Variants in ERBB3 observed in about 807,000 individuals in gnomAD.
The protein encoded by ERBB3 is erb-b2 receptor tyrosine kinase 3, also known as receptor tyrosine-protein kinase erbB-3.
ERBB3 carries 96 observed loss-of-function variants against 156.7 expected under a neutral mutation model. That is an observed-to-expected ratio of 0.61 (90% CI 0.52 to 0.73). The LOEUF (loss-of-function observed/expected upper bound fraction) is 0.73. ERBB3 is among the 30% of genes least tolerant of loss of function. The probability of loss-of-function intolerance (pLI) is 0.00; values close to 1 mark genes in which losing one functional copy is unlikely to be tolerated. For missense variants in ERBB3, 1,406 were observed against 1,709.4 expected, an observed-to-expected ratio of 0.82 and a Z score of 3.13; for synonymous variants, 567 against 632.0, an observed-to-expected ratio of 0.90 and a Z score of 1.54.
Position 56,095,685 on chromosome 12 carries a change from C to T in ERBB3, c.1934C>T (p.Ala645Val). The T allele has an allele frequency of 6.2e-7, 1 of 1,614,170 alleles. No homozygotes were observed. Among genetic ancestry groups the T allele is most frequent in the Non-Finnish European group, 8.5e-7 (1 of 1,180,038 alleles). The change falls in exon 17 of 28, where the codon GCT becomes GTT. Residue 645 changes from alanine to valine, a missense_variant. By Grantham distance (64) the Ala-to-Val change is moderately conservative. Transcript: ENST00000267101. The stretch of plus-strand genomic sequence containing the variant: ...CATAGCAAAACCCATCTGACAATGG[C>T]TTTGACAGTGATAGCAGGATTGGTA... ...VLIGKTHLTMALTVIAGLVVI... is the reference protein window; with the variant it reads ...VLIGKTHLTMVLTVIAGLVVI...
At chr12:56,093,273 C>G in intron 11 of ERBB3, 72 bp from the exon 12 acceptor site, 1 of 1,434,118 alleles carries the variant, frequency 7.0e-7, no homozygotes, top group Non-Finnish European at 9.8e-7. Flanking sequence ...AATTTCTTGA[C>G]TAACATGAAT....
intron 9 of ERBB3, among the ~76,000 whole-genome samples, chr12:56,091,580 C>T (rs1868714212): frequency 6.6e-6 from 1 of 150,848 alleles, no homozygotes; most frequent in African/African-American, 2.4e-5. Context: ...TCAAGTGATC[C>T]TCCTGTCTCA....
At chr12:56,094,000 C>T in intron 13 of ERBB3, 99 bp from the exon 14 acceptor site, 1 of 1,569,832 alleles carries the variant, frequency 6.4e-7, no homozygotes, top group South Asian at 1.1e-5. Context: ...TCTGCATGTG[C>T]CTTGGTGGGA....
intron 9 of ERBB3, among the ~76,000 whole-genome samples, chr12:56,090,371 C>G (rs919900017): frequency 6.6e-6 from 1 of 152,096 alleles, no homozygotes; most frequent in Non-Finnish European, 1.5e-5. Flanking sequence ...GTGGCTCATG[C>G]CTATAATCCC....
intron 1 of ERBB3, 45 bp downstream of exon 1, chr12:56,080,427 G>T: frequency 6.9e-7 from 1 of 1,457,328 alleles, no homozygotes. Flanking sequence ...CTGGGAGCCG[G>T]AACCCAGTGC....
chr12:56,080,222 G>T lies in ERBB3; in HGVS notation c.-79G>T. On this transcript the variant is annotated 5_prime_UTR_variant, in exon 1 of 28. In the 5' UTR this introduces an upstream ATG that the reference lacks. Coordinates refer to ENST00000267101, the MANE Select transcript of ERBB3 (RefSeq NM_001982.4). ...CAGCCACCAATTCGCCAGCGGTTCA[G>T]GTGGCTCTTGCCTCGATGTCCTAGC... is the stretch of plus-strand genomic sequence containing the variant. 8.5e-7 allele frequency: 1 copy of T among 1,176,708 alleles called. No individual in the cohort carries two copies. The allele number at this position is 1,176,708 out of a possible 1,614,324, so 72.9% of individuals were successfully genotyped here.
chr12:56,085,427 A>T (rs968927007), intron 3 of ERBB3: 1 of 1,422,086 alleles, frequency 7.0e-7, no homozygotes, highest in African/African-American at 1.4e-5. Context: ...TGGATCTGTT[A>T]ACCGTTTTTC....
chr12:56,097,652 A>G, intron 20 of ERBB3, 133 bp from the exon 21 acceptor site: 1 of 963,568 alleles, frequency 1.0e-6, no homozygotes. Context: ...ACTGTCTTCC[A>G]CAAAACCAGT....
rs1393620003 is a variant in ERBB3 at position 56,099,889 on chromosome 12, A to C, written c.2989A>C (p.Asn997His). The C allele has an allele frequency of 1.2e-6, 2 of 1,614,228 alleles. No individual in the cohort carries two copies. The highest frequency in any genetic ancestry group is 1.7e-6 in the Non-Finnish European group (2 of 1,180,046). ...TGGGCCAGAGCCCCATGGTCTGACA[A>C]ACAAGAAGCTAGAGGAAGTAGAGCT... ...APGPEPHGLTNKKLEEVELEP... is the reference protein window; with the variant it reads ...APGPEPHGLTHKKLEEVELEP... The change falls in exon 25 of 28, where the codon AAC becomes CAC. Residue 997 changes from asparagine (N) to histidine (H), a missense_variant. Coordinates refer to ENST00000267101, the MANE Select transcript of ERBB3 (RefSeq NM_001982.4).
In ERBB3 at chr12:56,083,885, G is replaced by T. The variant is rs143770796; in HGVS notation, c.217G>T (p.Asp73Tyr). ...GATTGTGCTCACGGGACACAATGCCGACCTCTCCTTCCTGCAGGTTAGTGA... is the reference window on the plus strand; with the variant it reads ...GATTGTGCTCACGGGACACAATGCCTACCTCTCCTTCCTGCAGGTTAGTGA... ...LEIVLTGHNA[D>Y]LSFLQWIREV... The change falls in exon 2 of 28, where the codon GAC becomes TAC. Residue 73 changes from aspartate to tyrosine, a missense_variant. Physicochemically the swap from Asp to Tyr is radical, Grantham distance 160. Around this residue, in one of 3 missense-constraint regions of ERBB3, gnomAD observed 979 missense variants for 1,219.6 expected, o/e 0.80. Coordinates refer to ENST00000267101, the MANE Select transcript of ERBB3 (RefSeq NM_001982.4). 6.2e-7 allele frequency: 1 copy of T among 1,614,044 alleles called. No homozygotes were observed. Among genetic ancestry groups the T allele is most frequent in the Non-Finnish European group, 8.5e-7 (1 of 1,180,002 alleles).
chr12:56,088,182 G>C lies in ERBB3; in HGVS notation c.874+20G>C. 6.2e-7 allele frequency: 1 copy of C among 1,613,504 alleles called. No individual in the cohort carries two copies. The highest frequency in any genetic ancestry group is 8.5e-7 in the Non-Finnish European group (1 of 1,179,502). On this transcript the variant is annotated intron_variant, in intron 7 of 27. Coordinates refer to ENST00000267101, the MANE Select transcript of ERBB3 (RefSeq NM_001982.4). ...GTCCCCGTAAGTGTCTGAGGGGAAGGAACAATGATCAACAATAGTAGATCC... is the reference window on the plus strand; with the variant it reads ...GTCCCCGTAAGTGTCTGAGGGGAAGCAACAATGATCAACAATAGTAGATCC...
In ERBB3 at chr12:56,098,806, G is replaced by A; in HGVS notation, c.2740G>A (p.Gly914Arg). The A allele has an allele frequency of 6.2e-7, 1 of 1,614,156 alleles. No homozygotes were observed. Among genetic ancestry groups the A allele is most frequent in the Non-Finnish European group, 8.5e-7 (1 of 1,179,990 alleles). ...GACCTTCGGGGCAGAGCCCTATGCA[G>A]GGCTACGATTGGCTGAAGTACCAGA... The part of the protein sequence containing the change: ...LMTFGAEPYA[G>R]LRLAEVPDLL... Residue 914 changes from glycine to arginine, a missense_variant, in exon 23 of 28, where the codon GGG becomes AGG. Gly to Arg is a moderately radical substitution (Grantham distance 125). Around this residue, in one of 3 missense-constraint regions of ERBB3, gnomAD observed 979 missense variants for 1,219.6 expected, o/e 0.80. Transcript: ENST00000267101.
chr12:56,088,925 T>C (rs2136799383), intron 9 of ERBB3, 57 bp downstream of exon 9: 1 of 1,611,154 alleles, frequency 6.2e-7, no homozygotes, highest in Admixed American at 1.7e-5. Context: ...TCACAGTTCA[T>C]TTCATTGGCC....
rs12817471 is a variant in ERBB3 at position 56,084,823 on chromosome 12, G to A, written c.235-172G>A. Among the ~76,000 whole-genome samples, 11,289 of 151,908 alleles carry A rather than the reference G, an allele frequency of 0.074. 458 individuals are homozygous for A. Among genetic ancestry groups the A allele is most frequent in the African/African-American group, 0.081 (3,357 of 41,402 alleles). On this transcript the variant is annotated intron_variant, in intron 2 of 27. Transcript: ENST00000267101. ...AGATCGCACTATTGTACTCCAGCCT[G>A]GGCAACAAGAGCGTAACTCCGTCTC...
rs1277050238 is a variant in ERBB3, at chr12:56,101,597, G to A, written c.3571G>A (p.Glu1191Lys). 6.2e-7 allele frequency: 1 copy of A among 1,614,074 alleles called. No individual in the cohort carries two copies. The highest frequency in any genetic ancestry group is 1.7e-5 in the Admixed American group (1 of 60,000). The change falls in exon 28 of 28, where the codon GAA becomes AAA. Residue 1191 changes from glutamate to lysine, a missense_variant. Physicochemically the swap from Glu to Lys is moderately conservative, Grantham distance 56. Coordinates refer to ENST00000267101, the MANE Select transcript of ERBB3 (RefSeq NM_001982.4). ...GLSSVLGTEE[E>K]DEDEEYEYMN... ...CAGTTCTGTCCTGGGTACTGAAGAAGAAGATGAAGATGAGGAGTATGAATA... is the reference window on the plus strand; with the variant it reads ...CAGTTCTGTCCTGGGTACTGAAGAAAAAGATGAAGATGAGGAGTATGAATA...
At chr12:56,098,954 T>TA in intron 23 of ERBB3, 49 bp downstream of exon 23, 11 of 1,524,238 alleles carry the variant, frequency 7.2e-6, no homozygotes, top group Non-Finnish European at 9.8e-6. Context: ...TCTTTTTTTT[T>TA]CTTTTTTTTT....
chr12:56,085,276 C>T (rs1868440205), intron 3 of ERBB3, 95 bp downstream of exon 3: 2 of 1,603,816 alleles, frequency 1.2e-6, no homozygotes, highest in Non-Finnish European at 8.5e-7. Context: ...CTCTAAGTGC[C>T]TCTTCCAAGG....
chr12:56,094,638 G>C (rs942552895), intron 15 of ERBB3, 82 bp downstream of exon 15: 7 of 1,496,484 alleles, frequency 4.7e-6, no homozygotes, highest in Non-Finnish European at 4.6e-6. Context: ...AGAAAGAAGA[G>C]AGAGGCTGTG....
At chr12:56,091,518 T>C (rs1868711539) in intron 9 of ERBB3, among the ~76,000 whole-genome samples, 2 of 149,768 alleles carry the variant, frequency 1.3e-5, no homozygotes. Flanking sequence ...AGCCATTCTC[T>C]ATAGAGACAG....
Sources: gnomAD v4.1 joint callset for allele counts (sites outside exome capture counted in the v4.1 genomes callset) on GRCh38, gnomAD v4.1.1 for gene constraint, gnomAD v4.1.1 regional missense constraint, MANE v1.5 for transcripts, NCBI Gene and HGNC (gene_info 2026-07-23, HGNC 2026-07-21) for gene names.